The following ARFGEF3 variants were observed in gnomAD, a reference collection of about 807,000 sequenced individuals.
ARFGEF3 encodes the protein brefeldin A-inhibited guanine nucleotide-exchange protein 3.
In ARFGEF3, 96 loss-of-function variants were observed where a neutral mutation model predicts 221.7. That is an observed-to-expected ratio of 0.43 (90% CI 0.37 to 0.51). ARFGEF3 has a LOEUF of 0.51. ARFGEF3 is among the 20% of genes least tolerant of loss of function. The pLI, the probability that ARFGEF3 is intolerant of heterozygous loss-of-function variation, is 0.00. For missense variants in ARFGEF3, 2,410 were observed against 2,789.9 expected (o/e 0.86, Z 3.07); for synonymous variants, 1,145 against 1,126.8 (o/e 1.02, Z -0.32).
At chr6:138,297,725 C>T (rs926405) in intron 21 of ARFGEF3, among the ~76,000 whole-genome samples, 20,626 of 152,200 alleles carry the variant, frequency 0.14, 1,891 homozygotes, top group East Asian at 0.45. Flanking sequence ...GCCTCCCCAA[C>T]ATCTAGTGGC....
At chr6:138,300,440 T>G (rs1779609116) in intron 22 of ARFGEF3, among the ~76,000 whole-genome samples, 1 of 151,854 alleles carries the variant, frequency 6.6e-6, no homozygotes, top group Non-Finnish European at 1.5e-5. Context: ...AGGGAACAAC[T>G]AAAAAAAGTT....
chr6:138,295,584 T>C (rs1250132778), intron 20 of ARFGEF3, among the ~76,000 whole-genome samples: 1 of 148,942 alleles, frequency 6.7e-6, no homozygotes, highest in Admixed American at 6.8e-5. Context: ...GAGCTGAGAT[T>C]GCACCACTGC....
At chr6:138,311,615 T>G in intron 25 of ARFGEF3, 105 bp downstream of exon 25, 1 of 747,854 alleles carries the variant, frequency 1.3e-6, no homozygotes, top group East Asian at 2.7e-5. Flanking sequence ...AGAGACACTT[T>G]GCCGTCTGAG....
At chr6:138,200,347 A>AGC (rs1184036692) in intron 2 of ARFGEF3, among the ~76,000 whole-genome samples, 1 of 152,172 alleles carries the variant, frequency 6.6e-6, no homozygotes, top group Non-Finnish European at 1.5e-5. Flanking sequence ...ATGGAACCAA[A>AGC]AAAGAGCCCG....
chr6:138,235,828 C>T (rs780399636), intron 5 of ARFGEF3, among the ~76,000 whole-genome samples: 3 of 151,970 alleles, frequency 2.0e-5, no homozygotes, highest in Non-Finnish European at 2.9e-5. Context: ...AATGGGATAC[C>T]TTTTTGTCAT....
intron 21 of ARFGEF3, among the ~76,000 whole-genome samples, chr6:138,297,367 G>A (rs1779542182): frequency 6.6e-6 from 1 of 152,148 alleles, no homozygotes; most frequent in African/African-American, 2.4e-5. Context: ...TGTCCTTTCA[G>A]TCAGGGAACC....
At position 138,298,798 on chromosome 6, in the gene ARFGEF3, T is replaced by C. The variant is rs1479834673; in HGVS notation, c.3828+13T>C. 1.2e-6 allele frequency: 2 copies of C among 1,606,442 alleles called. No homozygotes were observed. The highest frequency in any genetic ancestry group is 2.2e-5 in the East Asian group (1 of 44,760). On this transcript the variant is annotated intron_variant, in intron 22 of 33. Transcript: ENST00000251691. Reference sequence around the variant, plus strand: ...CGTCCAAGACCAGGTCAGTGTGACATGGTCATCAGCGTCATAGCTGGCTCT... The same window carrying C: ...CGTCCAAGACCAGGTCAGTGTGACACGGTCATCAGCGTCATAGCTGGCTCT...
chr6:138,162,084 A>G lies in ARFGEF3; in HGVS notation c.-3A>G. On this transcript the variant is annotated 5_prime_UTR_variant, in exon 1 of 34. Transcript: ENST00000251691. This position sits in a 1 kb window ranked among gnomAD's most constrained non-coding sequence, Gnocchi z 4.7. ...GCGGCGGCCCGGCGCCTGGAAGGTC[A>G]AGATGGAAGAAATCCTGAGGAAGCT... 4.4e-6 allele frequency: 7 copies of G among 1,590,154 alleles called. No homozygotes were observed. Among genetic ancestry groups the G allele is most frequent in the Non-Finnish European group, 6.0e-6 (7 of 1,168,118 alleles).
At chr6:138,331,711 G>A (rs772758595) in intron 32 of ARFGEF3, among the ~76,000 whole-genome samples, 2 of 152,248 alleles carry the variant, frequency 1.3e-5, no homozygotes, top group Non-Finnish European at 2.9e-5. Flanking sequence ...GAGGATGGCA[G>A]ACTTCTTAAA....
In ARFGEF3 at chr6:138,181,634, G is replaced by A. The variant is rs184701776; in HGVS notation, c.137+10921G>A. Among the ~76,000 whole-genome samples the A allele has an allele frequency of 1.1e-3, 164 of 152,212 alleles. 2 individuals carry two copies. Among genetic ancestry groups the A allele is most frequent in the African/African-American group, 3.7e-3 (153 of 41,542 alleles). ...AATTTTTGTGTTTTTAGTAGAGACCGGGTTTTACCGTGTTGGCCAGGCTGG... is the reference window on the plus strand; with the variant it reads ...AATTTTTGTGTTTTTAGTAGAGACCAGGTTTTACCGTGTTGGCCAGGCTGG... On this transcript the variant is annotated intron_variant, in intron 2 of 33. Transcript: ENST00000251691.
At chr6:138,324,336 A>G (rs1180109574) in intron 31 of ARFGEF3, among the ~76,000 whole-genome samples, 182 bp downstream of exon 31, 1 of 152,104 alleles carries the variant, frequency 6.6e-6, no homozygotes, top group Non-Finnish European at 1.5e-5. Context: ...AATCAACAGC[A>G]TTACCTCCTG....
chr6:138,206,798 T>C (rs1777631381), intron 2 of ARFGEF3, among the ~76,000 whole-genome samples: 1 of 152,130 alleles, frequency 6.6e-6, no homozygotes, highest in Non-Finnish European at 1.5e-5. Context: ...AGGTAATAAT[T>C]AGTGAAAGTC....
At chr6:138,295,640 AG>A (rs1212517958) in intron 20 of ARFGEF3, among the ~76,000 whole-genome samples, 23 of 145,174 alleles carry the variant, frequency 1.6e-4, no homozygotes, top group African/African-American at 5.9e-4. Flanking sequence ...AAAAAAAAAA[AG>A]AAAGAAAGAA....
At chr6:138,309,752 G>A (rs182428554) in intron 24 of ARFGEF3, among the ~76,000 whole-genome samples, 94 of 152,312 alleles carry the variant, frequency 6.2e-4, no homozygotes, top group Non-Finnish European at 1.1e-3. Context: ...CCAGAGGCTC[G>A]AGAACCTGTA....
chr6:138,330,201 G>C (rs1780201353), intron 32 of ARFGEF3, among the ~76,000 whole-genome samples: 1 of 152,156 alleles, frequency 6.6e-6, no homozygotes, highest in South Asian at 2.1e-4. Context: ...GGCTTAGCTT[G>C]GGCTCAGAGG....
At chr6:138,193,516 T>C (rs1032692133) in intron 2 of ARFGEF3, among the ~76,000 whole-genome samples, 1 of 152,224 alleles carries the variant, frequency 6.6e-6, no homozygotes, top group African/African-American at 2.4e-5. Flanking sequence ...CGCCTGGACA[T>C]GTAGTAGGCT....
chr6:138,221,096 T>A (rs1309709028), intron 4 of ARFGEF3, among the ~76,000 whole-genome samples: 4 of 152,196 alleles, frequency 2.6e-5, no homozygotes, highest in Non-Finnish European at 5.9e-5. Flanking sequence ...TTACAATTGC[T>A]GCATCAGGTC....
intron 22 of ARFGEF3, among the ~76,000 whole-genome samples, chr6:138,303,207 T>C (rs189880204): frequency 1.6e-4 from 25 of 152,208 alleles, no homozygotes; most frequent in Admixed American, 9.8e-4. Flanking sequence ...ATTCATGTTA[T>C]AATCCCTAGG....
intron 4 of ARFGEF3, among the ~76,000 whole-genome samples, chr6:138,210,950 A>G (rs1777715914): frequency 6.6e-6 from 1 of 152,162 alleles, no homozygotes; most frequent in Admixed American, 6.5e-5. Flanking sequence ...CCTCACCCTA[A>G]CCCTGTTGGT....
Sources: allele counts gnomAD v4.1 joint callset (sites outside exome capture counted in the v4.1 genomes callset), GRCh38; gene constraint gnomAD v4.1.1; non-coding constraint Gnocchi (gnomAD v3.1); transcripts MANE v1.5; gene names NCBI Gene and HGNC (gene_info 2026-07-23, HGNC 2026-07-21).